Variants in GTF2A1 observed in about 807,000 individuals in gnomAD.
GTF2A1 encodes transcription initiation factor IIA subunit 1.
In GTF2A1, 12 loss-of-function variants were observed where a neutral mutation model predicts 54.1. The observed-to-expected ratio is 0.22, with a 90% CI of 0.14 to 0.36. GTF2A1 has a LOEUF of 0.36. Among genes scored for constraint, GTF2A1 ranks in the 10% least tolerant of loss-of-function variants. GTF2A1 has a pLI of 1.00. For synonymous variants in GTF2A1, 145 were observed against 152.0 expected (o/e 0.95, Z 0.34); for missense variants, 335 against 442.2 (o/e 0.76, Z 2.17).
chr14:81,216,504 T>G lies in GTF2A1; in HGVS notation c.41A>C (p.Tyr14Ser). 2.1e-6 allele frequency: 3 copies of G among 1,452,144 alleles called. No homozygotes were observed. Among genetic ancestry groups the G allele is most frequent in the South Asian group, 1.2e-5 (1 of 85,908 alleles). 90.0% of individuals were successfully genotyped at this position (1,452,144 alleles called of 1,614,324 possible). ...SANTNTVPKL[Y>S]RSVIEDVIND... ...AATGACATCTTCAATCACAGATCTG[T>G]ATAATTTAGGCTTTAAAGGAAAAAT... is the stretch of plus-strand genomic sequence containing the variant. Residue 14 changes from tyrosine to serine, a missense_variant, in exon 2 of 9, where the codon TAC becomes TCC. By Grantham distance (144) the Tyr-to-Ser change is moderately radical. Around this residue, in one of 2 missense-constraint regions of GTF2A1, gnomAD observed 306 missense variants for 360.4 expected, o/e 0.85. Transcript: ENST00000553612.
intron 7 of GTF2A1, among the ~76,000 whole-genome samples, chr14:81,186,452 CT>C (rs796620122): frequency 0.024 from 3,535 of 147,704 alleles, 133 homozygotes; most frequent in African/African-American, 0.083. Flanking sequence ...AAGATTCAGA[CT>C]TTTTTTTTTT....
At chr14:81,207,948 A>G (rs927717827) in intron 2 of GTF2A1, among the ~76,000 whole-genome samples, 1 of 152,238 alleles carries the variant, frequency 6.6e-6, no homozygotes, top group African/African-American at 2.4e-5. Context: ...TTCCGTTTTA[A>G]AAGGGAAACA....
At chr14:81,217,915 C>T (rs1348121624) in intron 1 of GTF2A1, among the ~76,000 whole-genome samples, 1 of 152,210 alleles carries the variant, frequency 6.6e-6, no homozygotes, top group Non-Finnish European at 1.5e-5. Flanking sequence ...ACTGTTCACT[C>T]ACTAACCTGC....
At chr14:81,206,735 G>C (rs1893239866) in intron 2 of GTF2A1, among the ~76,000 whole-genome samples, 1 of 152,100 alleles carries the variant, frequency 6.6e-6, no homozygotes, top group African/African-American at 2.4e-5. Context: ...GTGATTCATA[G>C]TCAATTTAGA....
chr14:81,217,729 G>A (rs1270619133), intron 1 of GTF2A1, among the ~76,000 whole-genome samples: 1 of 152,030 alleles, frequency 6.6e-6, no homozygotes, highest in African/African-American at 2.4e-5. Flanking sequence ...GAGGGAGAGG[G>A]TGCAGTGAGC....
chr14:81,190,139 GAAAA>G (rs1798657773), intron 7 of GTF2A1, among the ~76,000 whole-genome samples: 1 of 151,516 alleles, frequency 6.6e-6, no homozygotes, highest in Non-Finnish European at 1.5e-5. Flanking sequence ...GAGAGTCCTA[GAAAA>G]ATATAACTTA....
At chr14:81,203,826 C>G (rs2140163582) in intron 3 of GTF2A1, 74 bp downstream of exon 3, 2 of 1,287,150 alleles carry the variant, frequency 1.6e-6, no homozygotes, top group Middle Eastern at 3.7e-4. Context: ...CCAAAAAATG[C>G]AGAATATTTC....
Position 81,192,703 on chromosome 14 carries a change from A to T in GTF2A1, c.749T>A (p.Ile250Lys), listed in dbSNP as rs1292538699. The T allele has an allele frequency of 6.2e-7, 1 of 1,614,182 alleles. No homozygotes were observed. Among genetic ancestry groups the T allele is most frequent in the Admixed American group, 1.7e-5 (1 of 60,020 alleles). ...CGGTTGCTGCTGGCCAGTTGCAGTT[A>T]TCTGTGCTTGGGCTGGTGTAGGTGC... is the stretch of plus-strand genomic sequence containing the variant. ...VAAPTPAQAQITATGQQQPQA... is the reference protein window; with the variant it reads ...VAAPTPAQAQKTATGQQQPQA... Residue 250 changes from isoleucine (I) to lysine (K), a missense_variant, in exon 7 of 9, where the codon ATA becomes AAA. By Grantham distance (102) the Ile-to-Lys change is moderately radical. Transcript: ENST00000553612.
At chr14:81,209,862 G>T in intron 2 of GTF2A1, 1 of 1,203,512 alleles carries the variant, frequency 8.3e-7, no homozygotes, top group Non-Finnish European at 1.1e-6. Context: ...TTTCTATTTT[G>T]TACTTACCAC....
intron 7 of GTF2A1, among the ~76,000 whole-genome samples, chr14:81,189,006 T>TA (rs753067251): frequency 6.6e-6 from 1 of 152,186 alleles, no homozygotes; most frequent in Non-Finnish European, 1.5e-5. Flanking sequence ...TGGTTGATGT[T>TA]AAAGTTTTGC....
rs1394695630 is a variant in GTF2A1 at position 81,180,332 on chromosome 14, TAAACAA to T, written c.1024-8_1024-3del. The T allele has an allele frequency of 8.2e-7, 1 of 1,213,974 alleles. No individual in the cohort carries two copies. The highest frequency in any genetic ancestry group is 1.9e-5 in the Admixed American group (1 of 51,612). The allele number at this position is 1,213,974 out of a possible 1,614,324, so 75.2% of individuals were successfully genotyped here. ...CCATTTGTTTTTACTTCTGTGTATC[TAAACAA>T]AAACAACATTTTAAAAATTGAGAGA... On this transcript the variant is annotated splice_polypyrimidine_tract_variant and splice_region_variant and intron_variant, in intron 8 of 8. Transcript: ENST00000553612.
intron 6 of GTF2A1, among the ~76,000 whole-genome samples, chr14:81,193,308 A>C (rs942099009): frequency 6.6e-6 from 1 of 151,948 alleles, no homozygotes; most frequent in African/African-American, 2.4e-5. Flanking sequence ...CTGGGACTAC[A>C]GGTGCGCGCC....
chr14:81,196,355 T>G, intron 5 of GTF2A1, 114 bp from the exon 6 acceptor site: 3 of 1,071,478 alleles, frequency 2.8e-6, no homozygotes, highest in Non-Finnish European at 4.2e-6. Context: ...TCAAGAAAAC[T>G]AACAATTTTA....
intron 7 of GTF2A1, among the ~76,000 whole-genome samples, chr14:81,186,462 T>C (rs74508498): frequency 6.6e-6 from 1 of 152,154 alleles, no homozygotes; most frequent in Non-Finnish European, 1.5e-5. Context: ...CTTTTTTTTT[T>C]TCTTAAAGGC....
intron 2 of GTF2A1, among the ~76,000 whole-genome samples, chr14:81,212,863 G>A (rs1331543309): frequency 6.6e-6 from 1 of 152,170 alleles, no homozygotes; most frequent in Non-Finnish European, 1.5e-5. Context: ...CCATACTGAA[G>A]AGCACAGGTA....
chr14:81,209,724 C>T (rs541569764), intron 2 of GTF2A1: 29 of 345,750 alleles, frequency 8.4e-5, no homozygotes, highest in Admixed American at 5.4e-4. Context: ...ATATAGCATA[C>T]GTAACCTTAA....
chr14:81,195,770 T>C (rs1892979828), intron 6 of GTF2A1, among the ~76,000 whole-genome samples: 1 of 152,126 alleles, frequency 6.6e-6, no homozygotes, highest in Non-Finnish European at 1.5e-5. Context: ...GTCATGTCTG[T>C]GTCATTCACT....
chr14:81,195,451 G>A (rs1397439256), intron 6 of GTF2A1, among the ~76,000 whole-genome samples: 2 of 151,598 alleles, frequency 1.3e-5, no homozygotes, highest in Non-Finnish European at 2.9e-5. Context: ...AGCTAACACG[G>A]TGAAACCCCA....
intron 7 of GTF2A1, among the ~76,000 whole-genome samples, 173 bp from the exon 8 acceptor site, chr14:81,185,793 G>T (rs1329346483): frequency 6.6e-6 from 1 of 152,138 alleles, no homozygotes; most frequent in Non-Finnish European, 1.5e-5. Context: ...TTACTGAAAT[G>T]TAAGAAATTA....
Sources: allele counts gnomAD v4.1 joint callset (sites outside exome capture counted in the v4.1 genomes callset), GRCh38; gene constraint gnomAD v4.1.1; regional missense constraint gnomAD v4.1.1; transcripts MANE v1.5; gene names NCBI Gene and HGNC (gene_info 2026-07-23, HGNC 2026-07-21).